PEX16: variants seen among roughly 807,000 people sequenced by gnomAD.
PEX16 encodes peroxisomal biogenesis factor 16.
Under a neutral mutation model 50.5 loss-of-function variants are expected in PEX16, and 37 were observed. That is an observed-to-expected ratio of 0.73 (90% CI 0.56 to 0.96). PEX16 has a LOEUF of 0.96. Ranked by LOEUF, PEX16 falls within the 40% of genes least tolerant of loss-of-function variation. The pLI, the probability that PEX16 is intolerant of heterozygous loss-of-function variation, is 0.00. For synonymous variants in PEX16, 185 were observed against 190.3 expected (o/e 0.97, Z 0.23); for missense variants, 401 against 438.3 (o/e 0.91, Z 0.76).
At chr11:45,910,348 A>C in intron 10 of PEX16, 36 bp from the exon 11 acceptor site, 1 of 1,538,658 alleles carries the variant, frequency 6.5e-7, no homozygotes, top group Non-Finnish European at 9.0e-7. Flanking sequence ...GGCAGGCCAG[A>C]CCCCAATCTG....
At position 45,911,086 on chromosome 11, in the gene PEX16, G is replaced by A. The variant is rs989837679; in HGVS notation, c.888-124C>T. 1.4e-5 allele frequency: 10 copies of A among 733,808 alleles called. No individual in the cohort carries two copies. In the African/African-American group the frequency reaches 1.6e-4, roughly 11 times the overall value. The allele number at this position is 733,808 out of a possible 1,614,324, so 45.5% of individuals were successfully genotyped here. ...GCAGCGCATTCCAGAAAACAAAGGT[G>A]ACTTTCTTGGGAGCTAGGACAAAGC... On this transcript the variant is annotated intron_variant, in intron 9 of 10. Transcript: ENST00000378750.
At chr11:45,915,397 G>T (rs1371945262) in intron 5 of PEX16, 71 bp downstream of exon 5, 4 of 1,136,334 alleles carry the variant, frequency 3.5e-6, no homozygotes, top group Non-Finnish European at 5.4e-6. Context: ...CTGTATTCAT[G>T]CTGGTTGGAT....
chr11:45,910,716 A>G (rs1319797530), intron 10 of PEX16, among the ~76,000 whole-genome samples, 182 bp downstream of exon 10: 2 of 152,214 alleles, frequency 1.3e-5, no homozygotes, highest in African/African-American at 4.8e-5. Flanking sequence ...CCTTCCAGCC[A>G]TCCCTGGCTC....
rs2086760685 is a variant in PEX16 at position 45,910,149 on chromosome 11, T to A, written c.*105A>T. 6.2e-7 allele frequency: 1 copy of A among 1,611,762 alleles called. No individual in the cohort carries two copies. Among genetic ancestry groups the A allele is most frequent in the African/African-American group, 1.3e-5 (1 of 74,842 alleles). On this transcript the variant is annotated 3_prime_UTR_variant, in exon 11 of 11. Coordinates refer to ENST00000378750, the MANE Select transcript of PEX16 (RefSeq NM_004813.4). ...AGGGCTGTGTGTGGGGCCTGGCCGG[T>A]AGGCACGGAGAGGCCGCACGCTGGG... is the stretch of plus-strand genomic sequence containing the variant.
Position 45,916,309 on chromosome 11 carries a change from G to A in PEX16, c.149-6C>T, listed in dbSNP as rs78883829. 4.6e-4 allele frequency: 739 copies of A among 1,612,428 alleles called. 6 individuals carry two copies. In the East Asian group the frequency reaches 0.014, roughly 31 times the overall value. On this transcript the variant is annotated splice_region_variant and splice_polypyrimidine_tract_variant and intron_variant, in intron 2 of 10. Transcript: ENST00000378750. ...CAGGTTAGAGGCAGAGTACACTGAGGGGTAGAGAGTGGCCTTGAGAGGCTG... is the reference window on the plus strand; with the variant it reads ...CAGGTTAGAGGCAGAGTACACTGAGAGGTAGAGAGTGGCCTTGAGAGGCTG...
Position 45,909,848 on chromosome 11 carries a change from A to C in PEX16, c.*406T>G, listed in dbSNP as rs1388862392. The C allele has an allele frequency of 5.3e-6, 3 of 568,854 alleles. No homozygotes were observed. 35.2% of individuals were successfully genotyped at this position (568,854 alleles called of 1,614,324 possible). ...GGGCAGACGGAGGGCCCCAGCCAGAAGACACGCTGGGCAGCGTTCAGCCAT... is the reference window on the plus strand; with the variant it reads ...GGGCAGACGGAGGGCCCCAGCCAGACGACACGCTGGGCAGCGTTCAGCCAT... On this transcript the variant is annotated 3_prime_UTR_variant, in exon 11 of 11. Coordinates refer to ENST00000378750, the MANE Select transcript of PEX16 (RefSeq NM_004813.4).
At chr11:45,911,720 G>A (rs1219510426) in intron 9 of PEX16, among the ~76,000 whole-genome samples, 1 of 152,176 alleles carries the variant, frequency 6.6e-6, no homozygotes, top group African/African-American at 2.4e-5. Flanking sequence ...TGTCTGAGCA[G>A]CAAGAAAAGA....
At chr11:45,916,860 G>A (rs2086841535) in intron 2 of PEX16, 1 of 367,648 alleles carries the variant, frequency 2.7e-6, no homozygotes, top group Middle Eastern at 9.0e-4. Flanking sequence ...AGTAGAGATG[G>A]GGTTTCACCA....
chr11:45,916,210 C>T lies in PEX16; in HGVS notation c.225+17G>A. ...GAGTCCCCATGCTTCCCACCCTGTT[C>T]TTGGCAGAATTCTCACCACAGGCAA... On this transcript the variant is annotated intron_variant, in intron 3 of 10. Coordinates refer to ENST00000378750, the MANE Select transcript of PEX16 (RefSeq NM_004813.4). The T allele has an allele frequency of 1.9e-6, 3 of 1,600,100 alleles. No individual in the cohort carries two copies. Among genetic ancestry groups the T allele is most frequent in the Non-Finnish European group, 2.6e-6 (3 of 1,167,396 alleles).
chr11:45,913,990 G>A (rs745801795), intron 8 of PEX16, 52 bp from the exon 9 acceptor site: 67 of 1,607,862 alleles, frequency 4.2e-5, no homozygotes, highest in African/African-American at 6.7e-5. Flanking sequence ...CTAGGCCCAC[G>A]GAAGGGGAGG....
At position 45,914,173 on chromosome 11, in the gene PEX16, G is replaced by A. The variant is rs1279952356; in HGVS notation, c.725C>T (p.Ser242Leu). Residue 242 changes from serine to leucine, a missense_variant, in exon 8 of 11, where the codon TCG becomes TTG. Physicochemically the swap from Ser to Leu is moderately radical, Grantham distance 145. Coordinates refer to ENST00000378750, the MANE Select transcript of PEX16 (RefSeq NM_004813.4). ...LLSLGLWGQR[S>L]WKPWLLAGVV... ...ACCAGCCAAGAGCCAGGGTTTCCAC[G>A]ACCTCTGACCCCACAGGCCCAGGCT... 9 of 1,611,226 alleles carry A rather than the reference G, an allele frequency of 5.6e-6. No homozygotes were observed. Among genetic ancestry groups the A allele is most frequent in the East Asian group, 2.2e-5 (1 of 44,670 alleles).
chr11:45,913,974 C>T, intron 8 of PEX16, 36 bp from the exon 9 acceptor site: 1 of 1,610,140 alleles, frequency 6.2e-7, no homozygotes, highest in South Asian at 1.1e-5. Context: ...GGGCCAGGGG[C>T]ATGATCTAGG....
In PEX16 at chr11:45,909,822, G is replaced by A. The variant is rs2086755808; in HGVS notation, c.*432C>T. 1.9e-6 allele frequency: 1 copy of A among 539,216 alleles called. No individual in the cohort carries two copies. The highest frequency in any genetic ancestry group is 2.1e-5 in the South Asian group (1 of 47,650). 33.4% of individuals were successfully genotyped at this position (539,216 alleles called of 1,614,324 possible). On this transcript the variant is annotated 3_prime_UTR_variant, in exon 11 of 11. Coordinates refer to ENST00000378750, the MANE Select transcript of PEX16 (RefSeq NM_004813.4). ...CAGAGCCACAGGGCCCTGCGGAGAA[G>A]GGGCAGACGGAGGGCCCCAGCCAGA...
chr11:45,915,769 A>G lies in PEX16; in HGVS notation c.293T>C (p.Met98Thr), dbSNP rs755886932. ...TTCACCCCACACCTTGGCAGCTCCC[A>G]TCTCCATGAACACCTCCACGCACTC... ...VLECVEVFME[M>T]GAAKVWGEVG... The change falls in exon 4 of 11, where the codon ATG becomes ACG. Residue 98 changes from methionine to threonine, a missense_variant. Transcript: ENST00000378750. 1 of 1,613,954 alleles carries G rather than the reference A, an allele frequency of 6.2e-7. No individual in the cohort carries two copies. The highest frequency in any genetic ancestry group is 8.5e-7 in the Non-Finnish European group (1 of 1,179,976).
At chr11:45,910,515 G>A (rs752178822) in intron 10 of PEX16, among the ~76,000 whole-genome samples, 4 of 152,218 alleles carry the variant, frequency 2.6e-5, no homozygotes, top group Non-Finnish European at 5.9e-5. Flanking sequence ...TAGACACTGA[G>A]GGGCCTGAGT....
Position 45,910,976 on chromosome 11 carries a change from T to C in PEX16, c.888-14A>G. On this transcript the variant is annotated splice_polypyrimidine_tract_variant and intron_variant, in intron 9 of 10. Coordinates refer to ENST00000378750, the MANE Select transcript of PEX16 (RefSeq NM_004813.4). ...AGGATCCTGGCCCTGGGGGAGGCAA[T>C]AAATGGGGAGCAAGCTGAGTGGGGT... 2.5e-6 allele frequency: 4 copies of C among 1,609,776 alleles called. No individual in the cohort carries two copies. The highest frequency in any genetic ancestry group is 3.4e-6 in the Non-Finnish European group (4 of 1,177,296).
In PEX16 at chr11:45,910,981, G is replaced by C; in HGVS notation, c.888-19C>G. ...CCTGGCCCTGGGGGAGGCAATAAAT[G>C]GGGAGCAAGCTGAGTGGGGTGGGGG... On this transcript the variant is annotated intron_variant, in intron 9 of 10. Transcript: ENST00000378750. 3 of 1,607,056 alleles carry C rather than the reference G, an allele frequency of 1.9e-6. No homozygotes were observed. The highest frequency in any genetic ancestry group is 2.6e-6 in the Non-Finnish European group (3 of 1,174,830).
chr11:45,913,829 G>T lies in PEX16; in HGVS notation c.877C>A (p.Arg293Ser), dbSNP rs544053792. ...YYLLRSPFYD[R>S]FSEARILFLL... is the part of the protein sequence containing the mutation. ...GTCCTGGGTGCTTACTCGGAGAAGC[G>T]GTCATAGAAAGGAGAGCGCAGCAGG... The change falls in exon 9 of 11, where the codon CGC (arginine) becomes AGC (serine). Residue 293 changes from arginine to serine, a missense_variant. Transcript: ENST00000378750. 23 of 1,613,996 alleles carry T rather than the reference G, an allele frequency of 1.4e-5. No homozygotes were observed. Among genetic ancestry groups the T allele is most frequent in the Non-Finnish European group, 1.8e-5 (21 of 1,179,996 alleles).
At chr11:45,915,373 A>C in intron 5 of PEX16, 95 bp downstream of exon 5, 1 of 915,874 alleles carries the variant, frequency 1.1e-6, no homozygotes, top group Non-Finnish European at 1.8e-6. Flanking sequence ...GGCGTGCTCC[A>C]TAAACAGATA....
Sources: allele counts gnomAD v4.1 joint callset (sites outside exome capture counted in the v4.1 genomes callset), GRCh38; gene constraint gnomAD v4.1.1; transcripts MANE v1.5; gene names NCBI Gene and HGNC (gene_info 2026-07-23, HGNC 2026-07-21).